Variants in METAP1 observed in about 807,000 individuals in gnomAD.
The protein encoded by METAP1 is methionyl aminopeptidase 1, also known as methionine aminopeptidase 1.
METAP1 carries 28 observed loss-of-function variants against 53.8 expected under a neutral mutation model. The observed-to-expected ratio is 0.52, with a 90% CI of 0.39 to 0.71. The LOEUF is 0.71. Among genes scored for constraint, METAP1 ranks in the 30% least tolerant of loss-of-function variants. The pLI is 0.00. For missense variants in METAP1, 389 were observed against 479.8 expected (o/e 0.81, Z 1.77); for synonymous variants, 181 against 165.7 (o/e 1.09, Z -0.71).
chr4:99,031,496 T>C, intron 2 of METAP1: 1 of 1,287,280 alleles, frequency 7.8e-7, no homozygotes, highest in Non-Finnish European at 1.0e-6. Flanking sequence ...GTGCCTGATT[T>C]TTGGATTACA....
intron 1 of METAP1, among the ~76,000 whole-genome samples, chr4:99,016,576 G>T (rs1723780501): frequency 6.6e-6 from 1 of 152,168 alleles, no homozygotes; most frequent in Admixed American, 6.5e-5. Context: ...TATATTACTG[G>T]CAGTGGCCTT....
intron 9 of METAP1, among the ~76,000 whole-genome samples, chr4:99,050,255 G>A (rs904546818): frequency 3.9e-5 from 6 of 152,230 alleles, no homozygotes; most frequent in Non-Finnish European, 5.9e-5. Context: ...GGCAGTCCAG[G>A]TGTGCCAAAT....
chr4:98,999,265 C>G (rs1261371338), intron 1 of METAP1, among the ~76,000 whole-genome samples: 1 of 152,038 alleles, frequency 6.6e-6, no homozygotes, highest in Admixed American at 6.6e-5. Context: ...AGGTATACTG[C>G]TGTGTTTGAA....
intron 3 of METAP1, among the ~76,000 whole-genome samples, 181 bp downstream of exon 3, chr4:99,034,523 A>G (rs1725287912): frequency 6.6e-6 from 1 of 152,184 alleles, no homozygotes; most frequent in Non-Finnish European, 1.5e-5. Flanking sequence ...CAATCATGGA[A>G]GAAGTGGGAA....
chr4:99,058,384 G>A (rs555029679), intron 10 of METAP1, among the ~76,000 whole-genome samples: 9 of 152,100 alleles, frequency 5.9e-5, no homozygotes, highest in African/African-American at 1.4e-4. Context: ...ATGTCATCAC[G>A]TGGCATCATA....
rs756141556 is a variant in METAP1, at chr4:99,041,065, T to C, written c.455T>C (p.Val152Ala). Residue 152 changes from valine to alanine, a missense_variant, in exon 6 of 11, where the codon GTT (valine) becomes GCT (alanine). By Grantham distance (64) the Val-to-Ala change is moderately conservative. Transcript: ENST00000296411. ...CAGCTTGCTAGAGAAGTTTTGGATG[T>C]TGCTGCCGGCATGATTAAACCAGGT... is the stretch of plus-strand genomic sequence containing the variant. ...VCRLAREVLDVAAGMIKPGVT... is the reference protein window; with the variant it reads ...VCRLAREVLDAAAGMIKPGVT... 1 of 1,609,600 alleles carries C rather than the reference T, an allele frequency of 6.2e-7. No homozygotes were observed. Among genetic ancestry groups the C allele is most frequent in the Admixed American group, 1.7e-5 (1 of 59,858 alleles).
intron 1 of METAP1, among the ~76,000 whole-genome samples, chr4:99,007,179 A>C (rs1723215184): frequency 6.6e-6 from 1 of 151,332 alleles, no homozygotes; most frequent in South Asian, 2.1e-4. Context: ...CTGCTGTCTC[A>C]CTCCTGGGCT....
chr4:99,006,436 TG>T (rs1344156189), intron 1 of METAP1, among the ~76,000 whole-genome samples: 1 of 152,214 alleles, frequency 6.6e-6, no homozygotes, highest in Non-Finnish European at 1.5e-5. Context: ...TTGCTGTATT[TG>T]TTTTATTTAT....
At position 99,040,007 on chromosome 4, in the gene METAP1, G is replaced by A. The variant is rs111584538; in HGVS notation, c.432+542G>A. Among the ~76,000 whole-genome samples, 18 of 152,304 alleles carry A rather than the reference G, an allele frequency of 1.2e-4. No homozygotes were observed. The East Asian group carries it at 2.1e-3, about 18-fold the overall frequency. On this transcript the variant is annotated intron_variant, in intron 5 of 10. Coordinates refer to ENST00000296411, the MANE Select transcript of METAP1 (RefSeq NM_015143.3). ...CTCCCACAGTGCTGGGATTACAGGC[G>A]TGAGCCATTGTGCCCGGTTTAGCCA...
chr4:99,040,399 C>G (rs1725769710), intron 5 of METAP1, among the ~76,000 whole-genome samples: 1 of 151,454 alleles, frequency 6.6e-6, no homozygotes, highest in African/African-American at 2.4e-5. Context: ...TGATTTGATT[C>G]TAATTTTGTT....
At chr4:99,026,282 C>T in intron 1 of METAP1, 1 of 984,594 alleles carries the variant, frequency 1.0e-6, no homozygotes, top group Non-Finnish European at 1.2e-6. Context: ...GTTTTACCTA[C>T]TAGTTATAAT....
At chr4:99,003,248 G>A (rs1056098153) in intron 1 of METAP1, among the ~76,000 whole-genome samples, 1 of 152,132 alleles carries the variant, frequency 6.6e-6, no homozygotes, top group African/African-American at 2.4e-5. Flanking sequence ...AAAGTGGGAG[G>A]CAACAGAGAC....
intron 1 of METAP1, among the ~76,000 whole-genome samples, chr4:98,996,342 TG>T (rs934376615): frequency 6.6e-6 from 1 of 151,990 alleles, no homozygotes; most frequent in Non-Finnish European, 1.5e-5. Context: ...CCCTGCGGGG[TG>T]GGGGGCTGAA....
chr4:99,040,432 T>A (rs1421687886), intron 5 of METAP1, among the ~76,000 whole-genome samples: 1 of 152,112 alleles, frequency 6.6e-6, no homozygotes, highest in Admixed American at 6.6e-5. Context: ...GAACTTTCTC[T>A]TCCTATGACT....
rs1260782307 is a variant in METAP1, at chr4:99,062,703, T to C, written c.*1386T>C. The C allele has an allele frequency of 1.3e-5, 2 of 152,652 alleles. No homozygotes were observed. Among genetic ancestry groups the C allele is most frequent in the Non-Finnish European group, 2.9e-5 (2 of 68,036 alleles). 9.5% of individuals were successfully genotyped at this position (152,652 alleles called of 1,614,324 possible). On this transcript the variant is annotated 3_prime_UTR_variant, in exon 11 of 11. Coordinates refer to ENST00000296411, the MANE Select transcript of METAP1 (RefSeq NM_015143.3). ...ATCTGGTATAGACTTTGGGAGTATG[T>C]GTGTGAAGTTTTTATCAAACTGTAA...
At chr4:99,061,025 A>C (rs1727512311) in intron 10 of METAP1, 129 bp from the exon 11 acceptor site, 2 of 898,624 alleles carry the variant, frequency 2.2e-6, no homozygotes, top group African/African-American at 3.4e-5. Flanking sequence ...ATGAAGTTGG[A>C]AAGGCATTAG....
intron 10 of METAP1, among the ~76,000 whole-genome samples, chr4:99,060,171 G>A (rs1006219769): frequency 1.3e-5 from 2 of 151,572 alleles, no homozygotes; most frequent in Non-Finnish European, 2.9e-5. Flanking sequence ...CATTCATAAC[G>A]TTGTGCACCC....
chr4:99,016,175 A>C (rs1398558846), intron 1 of METAP1, among the ~76,000 whole-genome samples: 1 of 152,216 alleles, frequency 6.6e-6, no homozygotes, highest in African/African-American at 2.4e-5. Context: ...AGTAGAGGAG[A>C]GTCCAAATAT....
intron 1 of METAP1, chr4:99,025,260 A>G (rs1183421378): frequency 8.3e-6 from 5 of 602,124 alleles, no homozygotes; most frequent in Non-Finnish European, 1.0e-5. Context: ...AGTTTGGCCT[A>G]TGCCTAGGAA....
Sources: gnomAD v4.1 joint callset for allele counts (sites outside exome capture counted in the v4.1 genomes callset) on GRCh38, gnomAD v4.1.1 for gene constraint, MANE v1.5 for transcripts, NCBI Gene and HGNC (gene_info 2026-07-23, HGNC 2026-07-21) for gene names.